ARHGAP23: variants seen among roughly 807,000 people sequenced by gnomAD.
The protein encoded by ARHGAP23 is Rho GTPase activating protein 23.
ARHGAP23 carries 34 observed loss-of-function variants against 136.3 expected under a neutral mutation model. The observed-to-expected ratio is 0.25, with a 90% CI of 0.19 to 0.33. ARHGAP23 has a LOEUF of 0.33. Ranked by LOEUF, ARHGAP23 falls within the 10% of genes least tolerant of loss-of-function variation. ARHGAP23 has a pLI of 1.00. For synonymous variants in ARHGAP23, 832 were observed against 920.5 expected (o/e 0.90, Z 1.74); for missense variants, 1,808 against 2,139.0 (o/e 0.85, Z 3.05).
chr17:38,510,927 G>GC lies in ARHGAP23; in HGVS notation c.4436dup (p.Arg1480AlafsTer60). The stretch of plus-strand genomic sequence containing the variant: ...GGGACACGGGGTCCCTGCAGAGCCA[G>GC]CCCCCGCGCCGCTCGGCCGCCTCCC... On this transcript the variant is annotated frameshift_variant, in exon 24 of 24. Coordinates refer to ENST00000622683, the MANE Select transcript of ARHGAP23 (RefSeq NM_001199417.2). LOFTEE classifies it high-confidence loss of function. The surrounding 1 kb of genome is among the most constrained non-coding windows in gnomAD (Gnocchi z 4.6). The GC allele has an allele frequency of 6.8e-7, 1 of 1,472,564 alleles. No homozygotes were observed. The highest frequency in any genetic ancestry group is 1.3e-5 in the South Asian group (1 of 76,088). The allele number at this position is 1,472,564 out of a possible 1,614,324, so 91.2% of individuals were successfully genotyped here. A position where few individuals can be genotyped will look rare whatever the true frequency, so the allele number is the denominator to read the frequency against.
chr17:38,455,832 A>G (rs536308567), intron 1 of ARHGAP23, among the ~76,000 whole-genome samples: 1 of 152,192 alleles, frequency 6.6e-6, no homozygotes, highest in Non-Finnish European at 1.5e-5. Context: ...TTCAGACCTC[A>G]GCAGAATTCC....
At chr17:38,429,208 G>A (rs1029180314) in intron 1 of ARHGAP23, among the ~76,000 whole-genome samples, 28 of 152,354 alleles carry the variant, frequency 1.8e-4, no homozygotes, top group African/African-American at 6.5e-4. Context: ...GGGTCAGAGC[G>A]CGGGGTGCCA....
intron 1 of ARHGAP23, among the ~76,000 whole-genome samples, chr17:38,439,183 A>G (rs956988630): frequency 2.0e-5 from 3 of 151,980 alleles, no homozygotes; most frequent in African/African-American, 7.3e-5. Context: ...GTCTAAAAAA[A>G]AAAAAAAGAG....
intron 11 of ARHGAP23, among the ~76,000 whole-genome samples, chr17:38,474,634 G>A (rs961805272): frequency 9.2e-5 from 14 of 152,154 alleles, no homozygotes; most frequent in South Asian, 4.1e-4. Context: ...CTCTGAGGGC[G>A]TGGCACTAGA....
chr17:38,433,122 T>C (rs948270574), intron 1 of ARHGAP23, among the ~76,000 whole-genome samples: 1 of 152,120 alleles, frequency 6.6e-6, no homozygotes, highest in Admixed American at 6.6e-5. Flanking sequence ...CCAGCTAATT[T>C]TTCCATTTTG....
rs761348262 is a variant in ARHGAP23 at position 38,471,936 on chromosome 17, A to G, written c.2048A>G (p.Asp683Gly). Residue 683 changes from aspartate (D) to glycine (G), a missense_variant, in exon 11 of 24, where the codon GAT (aspartate) becomes GGT (glycine). By Grantham distance (94) the Asp-to-Gly change is moderately conservative. This residue lies in a region of ARHGAP23 where 139 missense variants were observed against 264.3 expected (regional missense o/e 0.53). Transcript: ENST00000622683. ...CGACACTCAACCTCTGACCTCTCAGATGCGACCTTCAGCGATATCAGGAGA... is the reference window on the plus strand; with the variant it reads ...CGACACTCAACCTCTGACCTCTCAGGTGCGACCTTCAGCGATATCAGGAGA... The part of the protein sequence containing the change: ...SKRHSTSDLS[D>G]ATFSDIRREG... 42 of 1,549,572 alleles carry G rather than the reference A, an allele frequency of 2.7e-5. No homozygotes were observed. Among genetic ancestry groups the G allele is most frequent in the Admixed American group, 3.9e-5 (2 of 50,974 alleles).
rs1384777401 is a variant in ARHGAP23 at position 38,482,868 on chromosome 17, C to A, written c.2907+190C>A. Among the ~76,000 whole-genome samples the A allele has an allele frequency of 3.9e-5, 6 of 152,324 alleles. No individual in the cohort carries two copies. In the East Asian group the frequency reaches 1.2e-3, roughly 29 times the overall value. ...GGCCAGCCCGGGGATGGGCATCACC[C>A]CAGGCTGAAGCTGACCAAGTAAATG... On this transcript the variant is annotated intron_variant, in intron 16 of 23. Coordinates refer to ENST00000622683, the MANE Select transcript of ARHGAP23 (RefSeq NM_001199417.2).
At chr17:38,498,990 T>G (rs1402721092) in intron 22 of ARHGAP23, 6 of 695,592 alleles carry the variant, frequency 8.6e-6, no homozygotes, top group Non-Finnish European at 5.2e-6. Flanking sequence ...TCACTAACAG[T>G]GGCGGGTGAT....
rs2040252459 is a variant in ARHGAP23 at position 38,490,484 on chromosome 17, A to G, written c.3083A>G (p.Tyr1028Cys). 1.3e-6 allele frequency: 2 copies of G among 1,549,168 alleles called. No individual in the cohort carries two copies. The highest frequency in any genetic ancestry group is 1.4e-5 in the African/African-American group (1 of 72,964). ...RKLIRDLPGH[Y>C]YETLKFLVGH... ...CAGATCCGGGATCTCCCAGGACACT[A>G]CTATGAAACGCTCAAATTCCTTGTG... The change falls in exon 19 of 24, where the codon TAC becomes TGC. Residue 1028 changes from tyrosine to cysteine, a missense_variant. By Grantham distance (194) the Tyr-to-Cys change is radical. Around this residue, in one of 7 missense-constraint regions of ARHGAP23, gnomAD observed 105 missense variants for 200.6 expected, o/e 0.52. Coordinates refer to ENST00000622683, the MANE Select transcript of ARHGAP23 (RefSeq NM_001199417.2).
Position 38,466,849 on chromosome 17 carries a change from C to T in ARHGAP23, c.1166C>T (p.Thr389Ile). 1.9e-6 allele frequency: 3 copies of T among 1,548,902 alleles called. No individual in the cohort carries two copies. The highest frequency in any genetic ancestry group is 1.2e-5 in the South Asian group (1 of 83,998). The change falls in exon 7 of 24, where the codon ACC becomes ATC. Residue 389 changes from threonine (T) to isoleucine (I), a missense_variant. Transcript: ENST00000622683. ...GCTTCCCAGCGTTCGTCTGCCCGCA[C>T]CCCCGCCTGCCCAACTCGGGACCTG... ...GWASQRSSARTPACPTRDLPG... is the reference protein window; with the variant it reads ...GWASQRSSARIPACPTRDLPG...
At position 38,467,230 on chromosome 17, in the gene ARHGAP23, A is replaced by G. The variant is rs2039631908; in HGVS notation, c.1547A>G (p.Glu516Gly). The G allele has an allele frequency of 1.3e-6, 2 of 1,550,870 alleles. No individual in the cohort carries two copies. The highest frequency in any genetic ancestry group is 4.9e-5 in the East Asian group (2 of 40,908). Residue 516 changes from glutamate to glycine, a missense_variant, in exon 7 of 24, where the codon GAG becomes GGG. By Grantham distance (98) the Glu-to-Gly change is moderately conservative. Coordinates refer to ENST00000622683, the MANE Select transcript of ARHGAP23 (RefSeq NM_001199417.2). ...ARQMNLGFGD[E>G]SPEPEASGRG... Reference sequence around the variant, plus strand: ...CAGATGAACCTTGGATTTGGTGACGAGTCCCCAGAGCCAGAGGCCAGTGGG... The same window carrying G: ...CAGATGAACCTTGGATTTGGTGACGGGTCCCCAGAGCCAGAGGCCAGTGGG...
intron 18 of ARHGAP23, 55 bp from the exon 19 acceptor site, chr17:38,490,407 G>A (rs1478943899): frequency 1.5e-6 from 2 of 1,362,834 alleles, no homozygotes; most frequent in African/African-American, 2.9e-5. Context: ...TGATGACGGG[G>A]GACAGGGGCA....
At chr17:38,453,783 C>T (rs1478012391) in intron 1 of ARHGAP23, 7 of 145,190 alleles carry the variant, frequency 4.8e-5, no homozygotes, top group Non-Finnish European at 1.1e-4. Context: ...CCCCCGGGCC[C>T]CGGGCCCGCG....
chr17:38,459,347 A>G (rs1306049338), intron 2 of ARHGAP23, among the ~76,000 whole-genome samples: 2 of 152,182 alleles, frequency 1.3e-5, no homozygotes, highest in Non-Finnish European at 2.9e-5. Flanking sequence ...CTGCAAATAC[A>G]TGTCATGTGT....
chr17:38,488,837 C>A (rs2040211307), intron 17 of ARHGAP23, among the ~76,000 whole-genome samples: 1 of 151,848 alleles, frequency 6.6e-6, no homozygotes, highest in Admixed American at 6.6e-5. Context: ...GCGTGAGCCA[C>A]CGCGCCCTGC....
At chr17:38,451,066 C>T (rs2039151625) in intron 1 of ARHGAP23, 1 of 152,230 alleles carries the variant, frequency 6.6e-6, no homozygotes, top group African/African-American at 2.4e-5. Flanking sequence ...CCTGGTATTT[C>T]CCAGCCCTGG....
intron 3 of ARHGAP23, among the ~76,000 whole-genome samples, chr17:38,462,180 C>G (rs2039475090): frequency 6.6e-6 from 1 of 150,628 alleles, no homozygotes; most frequent in African/African-American, 2.4e-5. Flanking sequence ...TCTTGAACTC[C>G]TGACCTCATG....
At chr17:38,459,903 G>A (rs1181360946) in intron 2 of ARHGAP23, among the ~76,000 whole-genome samples, 1 of 152,190 alleles carries the variant, frequency 6.6e-6, no homozygotes, top group African/African-American at 2.4e-5. Context: ...GAAGGGCCCA[G>A]CAGCTTTCCT....
chr17:38,510,803 C>T lies in ARHGAP23; in HGVS notation c.4307C>T (p.Ala1436Val). Residue 1436 changes from alanine to valine, a missense_variant, in exon 24 of 24, where the codon GCG (alanine) becomes GTG (valine). Physicochemically the swap from Ala to Val is moderately conservative, Grantham distance 64 (BLOSUM62 0). Around this residue, in one of 7 missense-constraint regions of ARHGAP23, gnomAD observed 506 missense variants for 455.8 expected, o/e 1.11. Coordinates refer to ENST00000622683, the MANE Select transcript of ARHGAP23 (RefSeq NM_001199417.2). The surrounding 1 kb of genome is among the most constrained non-coding windows in gnomAD (Gnocchi z 4.6). The part of the protein sequence containing the change: ...GGGGPPEPAG[A>V]RAHSDNKDSG... ...GGGGGCCCCCCGGAGCCTGCGGGCG[C>T]GCGGGCGCACAGTGACAACAAGGAC... The T allele has an allele frequency of 3.3e-6, 5 of 1,502,814 alleles. No homozygotes were observed. Among genetic ancestry groups the T allele is most frequent in the Non-Finnish European group, 4.4e-6 (5 of 1,129,156 alleles). 93.1% of individuals were successfully genotyped at this position (1,502,814 alleles called of 1,614,324 possible). A position where few individuals can be genotyped will look rare whatever the true frequency, so the allele number is the denominator to read the frequency against.
Sources: allele counts gnomAD v4.1 joint callset (sites outside exome capture counted in the v4.1 genomes callset), GRCh38; gene constraint gnomAD v4.1.1; regional missense constraint gnomAD v4.1.1; non-coding constraint Gnocchi (gnomAD v3.1); transcripts MANE v1.5; gene names NCBI Gene and HGNC (gene_info 2026-07-23, HGNC 2026-07-21).